Variants in AMBRA1 observed in about 807,000 individuals in gnomAD.
AMBRA1 encodes the protein autophagy and beclin 1 regulator 1.
Under a neutral mutation model 125.4 loss-of-function variants are expected in AMBRA1, and 47 were observed. The ratio of observed to expected loss-of-function variants is 0.37; its 90% CI spans 0.30 to 0.48. AMBRA1 has a LOEUF of 0.48. AMBRA1 is among the 20% of genes least tolerant of loss of function. The probability of loss-of-function intolerance (pLI) is 0.99; values close to 1 mark genes in which losing one functional copy is unlikely to be tolerated. For synonymous variants in AMBRA1, 626 were observed against 655.5 expected, an observed-to-expected ratio of 0.95 and a Z score of 0.69; for missense variants, 1,331 against 1,693.4, an observed-to-expected ratio of 0.79 and a Z score of 3.76.
At chr11:46,520,499 ACTGT>A (rs1265849045) in intron 7 of AMBRA1, among the ~76,000 whole-genome samples, 2 of 151,556 alleles carry the variant, frequency 1.3e-5, no homozygotes, top group African/African-American at 4.9e-5. Flanking sequence ...CTTCCTTATT[ACTGT>A]CTGTAAAAAG....
chr11:46,474,161 A>G (rs1949719286), intron 11 of AMBRA1, among the ~76,000 whole-genome samples: 1 of 151,930 alleles, frequency 6.6e-6, no homozygotes, highest in African/African-American at 2.4e-5. Flanking sequence ...GCCCTGATTT[A>G]GGAAGAAAAA....
chr11:46,543,198 A>AGGCGGTGGGGGTGAGGGGGT lies in AMBRA1; in HGVS notation c.799_818dup (p.Gln276HisfsTer97). ...GGCGCTCCGTGGAGGGCTGAGGGGGAGGCGGTGGGGGTGAGGGGGTAGCAG... is the reference window on the plus strand; with the variant it reads ...GGCGCTCCGTGGAGGGCTGAGGGGGAGGCGGTGGGGGTGAGGGGGTGGCGGTGGGGGTGAGGGGGTAGCAG... On this transcript the variant is annotated frameshift_variant, in exon 7 of 18. Coordinates refer to ENST00000683756, the MANE Select transcript of AMBRA1 (RefSeq NM_001387011.1). LOFTEE classifies it high-confidence loss of function. The AGGCGGTGGGGGTGAGGGGGT allele has an allele frequency of 1.5e-6, 2 of 1,344,398 alleles. No homozygotes were observed. Among genetic ancestry groups the AGGCGGTGGGGGTGAGGGGGT allele is most frequent in the Non-Finnish European group, 2.0e-6 (2 of 999,598 alleles). The allele number at this position is 1,344,398 out of a possible 1,614,324, so 83.3% of individuals were successfully genotyped here. A position where few individuals can be genotyped will look rare whatever the true frequency, so the allele number is the denominator to read the frequency against.
chr11:46,589,672 T>C (rs533073423), intron 1 of AMBRA1, among the ~76,000 whole-genome samples: 1 of 151,918 alleles, frequency 6.6e-6, no homozygotes, highest in South Asian at 2.1e-4. Flanking sequence ...CAGGCTGGAG[T>C]GCAGTGGTGC....
chr11:46,472,300 A>G (rs1426853682), intron 11 of AMBRA1, among the ~76,000 whole-genome samples: 1 of 152,226 alleles, frequency 6.6e-6, no homozygotes, highest in Non-Finnish European at 1.5e-5. Context: ...CCTGTCTCTT[A>G]GCATTGAGGT....
At chr11:46,563,591 G>C (rs2083967761) in intron 1 of AMBRA1, among the ~76,000 whole-genome samples, 1 of 152,108 alleles carries the variant, frequency 6.6e-6, no homozygotes, top group African/African-American at 2.4e-5. Flanking sequence ...TGTAATTCCA[G>C]AACTTTAGGA....
In AMBRA1 at chr11:46,558,563, A is replaced by C. The variant is rs977377971; in HGVS notation, c.-120-10063T>G. ...GACTCCCTCTCAAAAAAAAAAAAAA[A>C]AAAAAAAAAAACCACTACCTACCTA... On this transcript the variant is annotated intron_variant, in intron 1 of 17. Transcript: ENST00000683756. Among the ~76,000 whole-genome samples the C allele has an allele frequency of 2.7e-5, 4 of 148,996 alleles. No homozygotes were observed. The East Asian group carries it at 5.8e-4, about 22-fold the overall frequency.
intron 11 of AMBRA1, among the ~76,000 whole-genome samples, chr11:46,488,513 T>C (rs762184558): frequency 1.3e-5 from 2 of 150,850 alleles, no homozygotes; most frequent in Non-Finnish European, 3.0e-5. Context: ...TCAATAATAA[T>C]AGAGATTTCA....
In AMBRA1 at chr11:46,545,376, C is replaced by T. The variant is rs1055843969; in HGVS notation, c.551+228G>A. ...ACTCTGGAGGCTGAGGCACGAGAAT[C>T]GCTTGAACCTAGGAGGCAGAGGTCG... On this transcript the variant is annotated intron_variant, in intron 5 of 17. Coordinates refer to ENST00000683756, the MANE Select transcript of AMBRA1 (RefSeq NM_001387011.1). Among the ~76,000 whole-genome samples the T allele has an allele frequency of 3.3e-5, 5 of 151,886 alleles. No individual in the cohort carries two copies. In the East Asian group the frequency reaches 9.6e-4, roughly 29 times the overall value.
In AMBRA1 at chr11:46,397,487, TC is replaced by T; in HGVS notation, c.3859del (p.Asp1287ThrfsTer78). 1 of 1,521,618 alleles carries T rather than the reference TC, an allele frequency of 6.6e-7. No homozygotes were observed. The highest frequency in any genetic ancestry group is 8.8e-7 in the Non-Finnish European group (1 of 1,133,720). The allele number at this position is 1,521,618 out of a possible 1,614,324, so 94.3% of individuals were successfully genotyped here. ...HLLDGGSSRG[D>X]AAGPRGEPRN... is the part of the protein sequence containing the mutation. ...TGGTTCTCCCCTAGGGCCTGCAGCGTCCCCCCTGCTGCTGCCACCATCCAGA... is the reference window on the plus strand; with the variant it reads ...TGGTTCTCCCCTAGGGCCTGCAGCGTCCCCCTGCTGCTGCCACCATCCAGA... On this transcript the variant is annotated frameshift_variant, in exon 18 of 18. Coordinates refer to ENST00000683756, the MANE Select transcript of AMBRA1 (RefSeq NM_001387011.1). LOFTEE classifies it high-confidence loss of function.
chr11:46,401,828 T>C (rs1252959300), intron 17 of AMBRA1, among the ~76,000 whole-genome samples: 1 of 152,226 alleles, frequency 6.6e-6, no homozygotes, highest in Non-Finnish European at 1.5e-5. Context: ...TCTGCTGACT[T>C]GAGCTCTGGT....
At chr11:46,424,399 A>G (rs1947012454) in intron 14 of AMBRA1, among the ~76,000 whole-genome samples, 1 of 152,242 alleles carries the variant, frequency 6.6e-6, no homozygotes, top group Non-Finnish European at 1.5e-5. Context: ...CCCCAAAGAC[A>G]GTCAGAGGAC....
intron 5 of AMBRA1, among the ~76,000 whole-genome samples, chr11:46,545,161 C>CA (rs1244990298): frequency 3.0e-5 from 1 of 33,750 alleles, no homozygotes; most frequent in East Asian, 2.1e-3. Context: ...AAAAAAAAGC[C>CA]GGGGGGGGGG....
chr11:46,540,263 C>T (rs1422027546), intron 7 of AMBRA1, among the ~76,000 whole-genome samples: 3 of 152,212 alleles, frequency 2.0e-5, no homozygotes, highest in East Asian at 3.8e-4. Flanking sequence ...ACTGGTATTA[C>T]GGAAACAGCA....
chr11:46,513,306 T>C (rs1951344713), intron 7 of AMBRA1, among the ~76,000 whole-genome samples: 1 of 149,540 alleles, frequency 6.7e-6, no homozygotes, highest in African/African-American at 2.4e-5. Context: ...ACTCCTCAGA[T>C]ATATAACTAT....
intron 1 of AMBRA1, among the ~76,000 whole-genome samples, chr11:46,587,240 C>T (rs1185794105): frequency 6.6e-6 from 1 of 151,872 alleles, no homozygotes; most frequent in Non-Finnish European, 1.5e-5. Context: ...ATTAGCCGGA[C>T]GTGGTGGCAC....
At chr11:46,588,613 TA>T (rs61588181) in intron 1 of AMBRA1, among the ~76,000 whole-genome samples, 95 of 142,050 alleles carry the variant, frequency 6.7e-4, no homozygotes, top group Non-Finnish European at 8.7e-4. Context: ...CCGTCTCTAC[TA>T]AAAAAAAAAA....
chr11:46,408,816 G>A, intron 16 of AMBRA1, 110 bp from the exon 17 acceptor site: 2 of 1,065,868 alleles, frequency 1.9e-6, no homozygotes, highest in Non-Finnish European at 2.5e-6. Flanking sequence ...AGGCCCTGCA[G>A]GCTAAGAGAA....
At chr11:46,446,641 T>C (rs1266576516) in intron 11 of AMBRA1, among the ~76,000 whole-genome samples, 1 of 152,220 alleles carries the variant, frequency 6.6e-6, no homozygotes, top group Non-Finnish European at 1.5e-5. Context: ...CCCTGGCCTC[T>C]ACCCACTAGA....
chr11:46,522,042 CA>C (rs1449879271), intron 7 of AMBRA1, among the ~76,000 whole-genome samples: 1 of 152,112 alleles, frequency 6.6e-6, no homozygotes, highest in East Asian at 1.9e-4. Context: ...CGATAGATGG[CA>C]AAACATGAGA....
Sources: allele counts gnomAD v4.1 joint callset (sites outside exome capture counted in the v4.1 genomes callset), GRCh38; gene constraint gnomAD v4.1.1; transcripts MANE v1.5; gene names NCBI Gene and HGNC (gene_info 2026-07-23, HGNC 2026-07-21).